Variants in PRKDC observed in about 807,000 individuals in gnomAD.
PRKDC encodes DNA-dependent protein kinase catalytic subunit.
PRKDC carries 82 observed loss-of-function variants against 486.9 expected under a neutral mutation model. That is an observed-to-expected ratio of 0.17 (90% CI 0.14 to 0.20). PRKDC has a LOEUF of 0.20. PRKDC is among the 10% of genes least tolerant of loss of function. The pLI, the probability that PRKDC is intolerant of heterozygous loss-of-function variation, is 1.00. For synonymous variants in PRKDC, 1,895 were observed against 1,837.0 expected (o/e 1.03, Z -0.81); for missense variants, 4,504 against 5,038.2 (o/e 0.89, Z 3.21).
Position 47,774,286 on chromosome 8 carries a change from G to C in PRKDC, c.12274C>G (p.Gln4092Glu). 6.2e-7 allele frequency: 1 copy of C among 1,611,798 alleles called. No homozygotes were observed. Among genetic ancestry groups the C allele is most frequent in the Non-Finnish European group, 8.5e-7 (1 of 1,179,102 alleles). Residue 4092 changes from glutamine to glutamate, a missense_variant, in exon 86 of 86, where the codon CAA (glutamine) becomes GAA (glutamate). Gln to Glu is a conservative substitution (Grantham distance 29). This residue lies in a region of PRKDC where 706 missense variants were observed against 945.0 expected (regional missense o/e 0.75). Coordinates refer to ENST00000314191, the MANE Select transcript of PRKDC (RefSeq NM_006904.7). Reference sequence around the variant, plus strand: ...TCTGAAAGCCCACTCTCTGGTTCTTGGGCACGAATGTTGTGATCTTTGCTT... The same window carrying C: ...TCTGAAAGCCCACTCTCTGGTTCTTCGGCACGAATGTTGTGATCTTTGCTT... ...RGSKDHNIRA[Q>E]EPESGLSEET...
chr8:47,913,808 G>T, intron 24 of PRKDC, 93 bp downstream of exon 24: 2 of 1,217,356 alleles, frequency 1.6e-6, no homozygotes, highest in Non-Finnish European at 2.2e-6. Flanking sequence ...TACTAATATT[G>T]GAATGGCTGA....
chr8:47,820,586 TTTG>T lies in PRKDC; in HGVS notation c.9336+130_9336+132del, dbSNP rs1453315611. ...GGTATGAAAATAGTACTTGAAAATT[TTTG>T]TTGATTTTTTTCATGAGTTTACTGA... On this transcript the variant is annotated intron_variant, in intron 66 of 85. Coordinates refer to ENST00000314191, the MANE Select transcript of PRKDC (RefSeq NM_006904.7). The T allele has an allele frequency of 1.0e-5, 5 of 497,618 alleles. No homozygotes were observed. The East Asian group carries it at 1.6e-4, about 16-fold the overall frequency. 30.8% of individuals were successfully genotyped at this position (497,618 alleles called of 1,614,324 possible).
intron 83 of PRKDC, among the ~76,000 whole-genome samples, chr8:47,778,115 G>C (rs1333943517): frequency 6.6e-6 from 1 of 152,278 alleles, no homozygotes; most frequent in Non-Finnish European, 1.5e-5. Context: ...GATTGAGAAG[G>C]ATGATCCAAA....
intron 29 of PRKDC, among the ~76,000 whole-genome samples, chr8:47,898,193 C>T (rs569009819): frequency 1.3e-5 from 2 of 152,212 alleles, no homozygotes; most frequent in Non-Finnish European, 2.9e-5. Context: ...AAAATTAGTG[C>T]ATATTAAATA....
chr8:47,935,056 G>A lies in PRKDC; in HGVS notation c.1450C>T (p.His484Tyr). 1 of 1,499,360 alleles carries A rather than the reference G, an allele frequency of 6.7e-7. No individual in the cohort carries two copies. Among genetic ancestry groups the A allele is most frequent in the South Asian group, 1.3e-5 (1 of 75,492 alleles). The allele number at this position is 1,499,360 out of a possible 1,614,324, so 92.9% of individuals were successfully genotyped here. Residue 484 changes from histidine to tyrosine, a missense_variant and splice_region_variant, in exon 14 of 86, where the codon CAT becomes TAT. Transcript: ENST00000314191. ...GAACATATTCTGATTAAACCCTGATGCACTGAAAAAAGAAAAAGAAAACAA... is the reference window on the plus strand; with the variant it reads ...GAACATATTCTGATTAAACCCTGATACACTGAAAAAAGAAAAAGAAAACAA... Reference protein sequence around the residue: ...VLRNCISTVVHQGLIRICSKP... With the variant: ...VLRNCISTVVYQGLIRICSKP...
intron 32 of PRKDC, 107 bp downstream of exon 32, chr8:47,890,150 A>G (rs1563787971): frequency 1.1e-5 from 5 of 435,940 alleles, no homozygotes; most frequent in Non-Finnish European, 1.8e-5. Flanking sequence ...TAATAATAAT[A>G]ATAATAATGA....
chr8:47,886,018 T>G lies in PRKDC; in HGVS notation c.4702A>C (p.Asn1568His). The G allele has an allele frequency of 1.2e-6, 2 of 1,613,814 alleles. No homozygotes were observed. The highest frequency in any genetic ancestry group is 1.7e-6 in the Non-Finnish European group (2 of 1,179,870). ...YFYSLFSETI[N>H]TELLKNLDLA... ...TCCAGATTTTTCAATAATTCCGTGT[T>G]GATCGTTTCTGAGAACAAGCTATAG... is the stretch of plus-strand genomic sequence containing the variant. Residue 1568 changes from asparagine (N) to histidine (H), a missense_variant, in exon 36 of 86, where the codon AAC becomes CAC. Asn to His is a moderately conservative substitution (Grantham distance 68, BLOSUM62 1). Transcript: ENST00000314191.
chr8:47,877,324 T>A (rs1194837670), intron 40 of PRKDC, among the ~76,000 whole-genome samples: 1 of 152,246 alleles, frequency 6.6e-6, no homozygotes. Context: ...ATGGAATTAC[T>A]GATAATTTCG....
chr8:47,940,384 T>C (rs148674517), intron 10 of PRKDC, among the ~76,000 whole-genome samples: 9 of 152,260 alleles, frequency 5.9e-5, no homozygotes, highest in African/African-American at 2.2e-4. Context: ...GCACAAAGAC[T>C]GCCCAGAATA....
chr8:47,847,873 A>AT (rs2088306087), intron 54 of PRKDC, among the ~76,000 whole-genome samples: 1 of 134,946 alleles, frequency 7.4e-6, no homozygotes, highest in Non-Finnish European at 1.6e-5. Context: ...AGCGGCCAAC[A>AT]AATATATATA....
At chr8:47,810,178 T>C (rs1205295212) in intron 68 of PRKDC, among the ~76,000 whole-genome samples, 1 of 151,658 alleles carries the variant, frequency 6.6e-6, no homozygotes, top group Admixed American at 6.6e-5. Context: ...TACAGAATTA[T>C]AAGCCAGCAT....
chr8:47,883,371 G>A (rs2089263158), intron 36 of PRKDC, among the ~76,000 whole-genome samples: 1 of 152,168 alleles, frequency 6.6e-6, no homozygotes, highest in Non-Finnish European at 1.5e-5. Context: ...CCACGGTTCT[G>A]AATTCTCAAG....
intron 40 of PRKDC, 93 bp from the exon 41 acceptor site, chr8:47,864,856 G>T: frequency 1.8e-6 from 2 of 1,101,920 alleles, no homozygotes; most frequent in Non-Finnish European, 2.5e-6. Flanking sequence ...AAACACCAGT[G>T]ATTACAAATT....
intron 46 of PRKDC, 84 bp from the exon 47 acceptor site, chr8:47,859,070 G>T: frequency 6.9e-7 from 1 of 1,454,048 alleles, no homozygotes. Context: ...CTCTTTCTGG[G>T]GCAACAGCAT....
intron 76 of PRKDC, among the ~76,000 whole-genome samples, chr8:47,787,306 A>G (rs1219178618): frequency 6.6e-6 from 1 of 152,242 alleles, no homozygotes; most frequent in Non-Finnish European, 1.5e-5. Flanking sequence ...CCACTATAGG[A>G]AAATTGACAT....
At chr8:47,909,551 C>T (rs2089857956) in intron 25 of PRKDC, among the ~76,000 whole-genome samples, 1 of 152,180 alleles carries the variant, frequency 6.6e-6, no homozygotes, top group South Asian at 2.1e-4. Flanking sequence ...TTTCAGGTAA[C>T]AAGCAAGGGA....
At chr8:47,819,531 AAAAG>A (rs1205595127) in intron 66 of PRKDC, 21 bp from the exon 67 acceptor site, 2 of 1,331,696 alleles carry the variant, frequency 1.5e-6, no homozygotes, top group African/African-American at 1.5e-5. Flanking sequence ...AAAAAAAAAA[AAAAG>A]GGCATTTACA....
intron 4 of PRKDC, among the ~76,000 whole-genome samples, chr8:47,954,975 A>G (rs77591367): frequency 0.23 from 34,071 of 149,640 alleles, 7,459 homozygotes; most frequent in African/African-American, 0.57. Flanking sequence ...CCAACACAGT[A>G]AAACCCCGTC....
chr8:47,862,313 ATATAATC>A (rs2088696495), intron 43 of PRKDC, 53 bp downstream of exon 43: 4 of 1,514,400 alleles, frequency 2.6e-6, no homozygotes, highest in Non-Finnish European at 2.7e-6. Context: ...AGTTTGACTG[ATATAATC>A]TAACTTTTGA....
Sources: allele counts gnomAD v4.1 joint callset (sites outside exome capture counted in the v4.1 genomes callset), GRCh38; gene constraint gnomAD v4.1.1; regional missense constraint gnomAD v4.1.1; transcripts MANE v1.5; gene names NCBI Gene and HGNC (gene_info 2026-07-23, HGNC 2026-07-21).